TRAPPC12: variants seen among roughly 807,000 people sequenced by gnomAD.
TRAPPC12 encodes TPR repeat protein 15.
In TRAPPC12, 61 loss-of-function variants were observed where a neutral mutation model predicts 69.2. The observed-to-expected ratio is 0.88, with a 90% CI of 0.72 to 1.09. The LOEUF (loss-of-function observed/expected upper bound fraction) is 1.09, where lower values mean the gene tolerates loss of function less well. Ranked by LOEUF, TRAPPC12 falls within the 50% of genes least tolerant of loss-of-function variation. The pLI, the probability that TRAPPC12 is intolerant of heterozygous loss-of-function variation, is 0.00. For synonymous variants in TRAPPC12, 469 were observed against 438.9 expected, an observed-to-expected ratio of 1.07 and a Z score of -0.86; for missense variants, 1,101 against 1,016.4, an observed-to-expected ratio of 1.08 and a Z score of -1.13.
chr2:3,401,680 T>A, intron 2 of TRAPPC12, 97 bp from the exon 3 acceptor site: 1 of 718,470 alleles, frequency 1.4e-6, no homozygotes, highest in East Asian at 2.9e-5. Context: ...CACAAGCCAG[T>A]GGAGAAAAAA....
chr2:3,452,592 A>T (rs1452812289), intron 6 of TRAPPC12, among the ~76,000 whole-genome samples: 5 of 152,182 alleles, frequency 3.3e-5, no homozygotes, highest in African/African-American at 1.2e-4. Context: ...CCCTGCCAGG[A>T]TGCGGCTTGT....
chr2:3,408,147 A>G (rs1661831694), intron 3 of TRAPPC12, among the ~76,000 whole-genome samples: 1 of 152,154 alleles, frequency 6.6e-6, no homozygotes, highest in African/African-American at 2.4e-5. Flanking sequence ...TAAACCTCCA[A>G]ACACGTGTGC....
rs189324709 is a variant in TRAPPC12 at position 3,411,524 on chromosome 2, G to A, written c.1164+9631G>A. On this transcript the variant is annotated intron_variant, in intron 3 of 11. Coordinates refer to ENST00000324266, the MANE Select transcript of TRAPPC12 (RefSeq NM_016030.6). ...TTACATTTTAGTGTATGTGTTATAC[G>A]TATGTGTGTGCATATCTATACTATA... is the stretch of plus-strand genomic sequence containing the variant. Among the ~76,000 whole-genome samples the A allele has an allele frequency of 9.9e-5, 15 of 152,252 alleles. No homozygotes were observed. The East Asian group carries it at 2.3e-3, about 23-fold the overall frequency.
At position 3,387,968 on chromosome 2, in the gene TRAPPC12, C is replaced by G. The variant is rs749679920; in HGVS notation, c.345C>G (p.Asp115Glu). Residue 115 changes from aspartate (D) to glutamate (E), a missense_variant, in exon 2 of 12, where the codon GAC becomes GAG. Transcript: ENST00000324266. ...AGTPSPSGEA[D>E]GDCAPEDAAP... is the part of the protein sequence containing the mutation. ...CCCCGAGTCCCAGCGGCGAGGCCGACGGCGACTGTGCCCCCGAGGACGCGG... is the reference window on the plus strand; with the variant it reads ...CCCCGAGTCCCAGCGGCGAGGCCGAGGGCGACTGTGCCCCCGAGGACGCGG... The G allele has an allele frequency of 1.4e-6, 2 of 1,477,384 alleles. No homozygotes were observed. The highest frequency in any genetic ancestry group is 2.9e-5 in the African/African-American group (2 of 68,178). The allele number at this position is 1,477,384 out of a possible 1,614,324, so 91.5% of individuals were successfully genotyped here. A position where few individuals can be genotyped will look rare whatever the true frequency, so the allele number is the denominator to read the frequency against.
intron 8 of TRAPPC12, among the ~76,000 whole-genome samples, chr2:3,465,032 C>T (rs147142209): frequency 1.3e-5 from 2 of 152,240 alleles, no homozygotes; most frequent in South Asian, 2.1e-4. Context: ...AGGTCTCATG[C>T]GTGCCGCACG....
Position 3,460,300 on chromosome 2 carries a change from G to A in TRAPPC12, c.1641G>A (p.Val547=). ...IRLWRSRLGR[V]MYSMANCLLL... ...TGTGGAGGTCACGTCTGGGCCGGGT[G>A]ATGTACTCCATGGCAAACTGTCTGC... The change falls in exon 8 of 12, where the codon GTG becomes GTA. Residue 547 remains valine, a synonymous_variant. Transcript: ENST00000324266. 1 of 874,780 alleles carries A rather than the reference G, an allele frequency of 1.1e-6. No homozygotes were observed. The highest frequency in any genetic ancestry group is 2.0e-6 in the Non-Finnish European group (1 of 503,298). The allele number at this position is 874,780 out of a possible 1,614,324, so 54.2% of individuals were successfully genotyped here. A position where few individuals can be genotyped will look rare whatever the true frequency, so the allele number is the denominator to read the frequency against.
chr2:3,395,002 T>G (rs1661040782), intron 2 of TRAPPC12, among the ~76,000 whole-genome samples: 1 of 152,200 alleles, frequency 6.6e-6, no homozygotes, highest in African/African-American at 2.4e-5. Context: ...GAGTACAGTC[T>G]TTTTTGTGGA....
intron 1 of TRAPPC12, among the ~76,000 whole-genome samples, chr2:3,382,379 T>C (rs990975249): frequency 3.9e-5 from 6 of 152,114 alleles, no homozygotes; most frequent in Admixed American, 2.6e-4. Flanking sequence ...GTGGTCCGCC[T>C]GCCTCGGCCT....
intron 3 of TRAPPC12, chr2:3,421,596 C>T (rs1198246818): frequency 3.1e-6 from 2 of 640,712 alleles, no homozygotes; most frequent in Non-Finnish European, 3.0e-6. Flanking sequence ...TAAAAAGCCT[C>T]TTCCCGATGT....
chr2:3,463,911 C>T (rs1399848516), intron 8 of TRAPPC12, among the ~76,000 whole-genome samples: 2 of 152,178 alleles, frequency 1.3e-5, no homozygotes, highest in Non-Finnish European at 2.9e-5. Context: ...CCTAGGGGGG[C>T]AGCTGCTACT....
intron 3 of TRAPPC12, 104 bp from the exon 4 acceptor site, chr2:3,421,777 T>C: frequency 9.3e-7 from 1 of 1,076,160 alleles, no homozygotes; most frequent in Admixed American, 1.9e-5. Context: ...CTGGCGCTGC[T>C]TCCAGCAAGG....
rs557557256 is a variant in TRAPPC12, at chr2:3,461,408, C to T, written c.1677+1072C>T. Reference sequence around the variant, plus strand: ...CGCTGCCTTTGCGCTTCTGCGTCTACGTCAGGCTGGACGCACAAGGAGACT... The same window carrying T: ...CGCTGCCTTTGCGCTTCTGCGTCTATGTCAGGCTGGACGCACAAGGAGACT... On this transcript the variant is annotated intron_variant, in intron 8 of 11. Transcript: ENST00000324266. Among the ~76,000 whole-genome samples the T allele has an allele frequency of 2.0e-5, 3 of 152,352 alleles. No homozygotes were observed. The South Asian group carries it at 6.2e-4, about 32-fold the overall frequency.
chr2:3,457,708 CT>C lies in TRAPPC12; in HGVS notation c.1603+18del. The C allele has an allele frequency of 6.2e-7, 1 of 1,608,184 alleles. No individual in the cohort carries two copies. Among genetic ancestry groups the C allele is most frequent in the East Asian group, 2.2e-5 (1 of 44,864 alleles). ...GGGCAGACAAGGTGGGTCGGCCGGACTTTGCTGACTAGATGCTTCTCGGACA... is the reference window on the plus strand; with the variant it reads ...GGGCAGACAAGGTGGGTCGGCCGGACTTGCTGACTAGATGCTTCTCGGACA... On this transcript the variant is annotated intron_variant, in intron 7 of 11. Transcript: ENST00000324266.
At chr2:3,444,382 C>T (rs956573737) in intron 6 of TRAPPC12, among the ~76,000 whole-genome samples, 1 of 152,254 alleles carries the variant, frequency 6.6e-6, no homozygotes, top group Admixed American at 6.5e-5. Flanking sequence ...TGTTTTCGGA[C>T]TCATTCTTGG....
intron 9 of TRAPPC12, among the ~76,000 whole-genome samples, chr2:3,475,555 T>G (rs1666256866): frequency 6.6e-6 from 1 of 152,084 alleles, no homozygotes; most frequent in African/African-American, 2.4e-5. Flanking sequence ...TAATTACATT[T>G]TAATAATTCT....
At chr2:3,469,212 C>T (rs1198998040) in intron 9 of TRAPPC12, among the ~76,000 whole-genome samples, 2 of 152,156 alleles carry the variant, frequency 1.3e-5, no homozygotes, top group African/African-American at 4.8e-5. Context: ...CTCATCAGTA[C>T]CTGTATCTTA....
At chr2:3,420,517 C>T (rs1662717550) in intron 3 of TRAPPC12, among the ~76,000 whole-genome samples, 1 of 152,186 alleles carries the variant, frequency 6.6e-6, no homozygotes, top group African/African-American at 2.4e-5. Context: ...GACAGATGAC[C>T]TCAGCTCTGT....
Position 3,440,730 on chromosome 2 carries a change from T to C in TRAPPC12, c.1418-3049T>C, listed in dbSNP as rs114699072. 9.3e-3 allele frequency among the ~76,000 whole-genome samples: 1,417 copies of C among 152,316 alleles called. 30 individuals are homozygous for C. Among genetic ancestry groups the C allele is most frequent in the African/African-American group, 0.033 (1,364 of 41,556 alleles). On this transcript the variant is annotated intron_variant, in intron 5 of 11. Coordinates refer to ENST00000324266, the MANE Select transcript of TRAPPC12 (RefSeq NM_016030.6). ...AAGAGATAAGAGGGAACATTGTTGC[T>C]TTATTCATGATCTTAGGGGGAAGTC...
Position 3,387,780 on chromosome 2 carries a change from G to A in TRAPPC12, c.157G>A (p.Glu53Lys), listed in dbSNP as rs1419834055. The change falls in exon 2 of 12, where the codon GAA becomes AAA. Residue 53 changes from glutamate (E) to lysine (K), a missense_variant. Physicochemically the swap from Glu to Lys is moderately conservative, Grantham distance 56. Transcript: ENST00000324266. ...FGSEENETAS[E>K]GSSPLADKLN... Reference sequence around the variant, plus strand: ...ATCCGAAGAGAACGAGACCGCATCGGAAGGCTCGAGTCCTCTCGCGGACAA... The same window carrying A: ...ATCCGAAGAGAACGAGACCGCATCGAAAGGCTCGAGTCCTCTCGCGGACAA... The A allele has an allele frequency of 2.5e-6, 4 of 1,613,230 alleles. No homozygotes were observed. The highest frequency in any genetic ancestry group is 2.2e-5 in the East Asian group (1 of 44,814).
Sources: allele counts gnomAD v4.1 joint callset (sites outside exome capture counted in the v4.1 genomes callset), GRCh38; gene constraint gnomAD v4.1.1; transcripts MANE v1.5; gene names NCBI Gene and HGNC (gene_info 2026-07-23, HGNC 2026-07-21).